STPG2: variants seen among roughly 807,000 people sequenced by gnomAD.
The protein encoded by STPG2 is sperm-tail PG-rich repeat-containing protein 2.
Under a neutral mutation model 54.2 loss-of-function variants are expected in STPG2, and 56 were observed. The observed-to-expected ratio is 1.03, with a 90% CI of 0.83 to 1.29. The LOEUF is 1.29. Among genes scored for constraint, STPG2 ranks in the 50% most tolerant of loss-of-function variants. The probability of loss-of-function intolerance (pLI) is 0.00; values close to 1 mark genes in which losing one functional copy is unlikely to be tolerated. For missense variants in STPG2, 596 were observed against 544.9 expected (o/e 1.09, Z -0.93); for synonymous variants, 200 against 181.8 (o/e 1.10, Z -0.81).
intron 10 of STPG2, among the ~76,000 whole-genome samples, chr4:97,565,025 G>A (rs1034600927): frequency 6.6e-6 from 1 of 152,176 alleles, no homozygotes; most frequent in Admixed American, 6.5e-5. Context: ...ATCCTGCAGA[G>A]TGTTTTCCAA....
chr4:97,892,480 T>C (rs1267289017), intron 8 of STPG2, among the ~76,000 whole-genome samples: 1 of 152,190 alleles, frequency 6.6e-6, no homozygotes, highest in Non-Finnish European at 1.5e-5. Context: ...ATTTATGTTA[T>C]CACTTCCCTA....
intron 1 of STPG2, among the ~76,000 whole-genome samples, chr4:98,139,460 A>G (rs903578014): frequency 2.0e-5 from 3 of 152,326 alleles, no homozygotes; most frequent in Non-Finnish European, 2.9e-5. Flanking sequence ...TTCTTCTCAC[A>G]TCATACTCCA....
chr4:97,554,333 C>G (rs1272835276), downstream of STPG2, among the ~76,000 whole-genome samples: 3 of 152,182 alleles, frequency 2.0e-5, no homozygotes, highest in Admixed American at 6.6e-5. Context: ...CCAAACCTGA[C>G]AAGAAAGAAT....
At chr4:97,978,336 A>G (rs1351845234) in intron 6 of STPG2, among the ~76,000 whole-genome samples, 1 of 152,252 alleles carries the variant, frequency 6.6e-6, no homozygotes, top group Non-Finnish European at 1.5e-5. Flanking sequence ...GCAATAAAAA[A>G]GAATGAGATC....
chr4:98,021,942 A>G (rs368602661), intron 5 of STPG2, among the ~76,000 whole-genome samples: 1 of 151,890 alleles, frequency 6.6e-6, no homozygotes, highest in Non-Finnish European at 1.5e-5. Context: ...CCTGAATACA[A>G]CACACTGATG....
chr4:97,968,822 T>C (rs902048377), intron 7 of STPG2, among the ~76,000 whole-genome samples: 43 of 152,350 alleles, frequency 2.8e-4, no homozygotes, highest in African/African-American at 7.9e-4. Context: ...CAAAATTGCA[T>C]GCAGGATTGT....
At chr4:97,499,550 A>G (rs1347573062) in intron 4 of STPG2, among the ~76,000 whole-genome samples, 2 of 152,054 alleles carry the variant, frequency 1.3e-5, no homozygotes, top group Non-Finnish European at 2.9e-5. Flanking sequence ...ATCATGTTCT[A>G]ATATAAATTT....
intron 9 of STPG2, among the ~76,000 whole-genome samples, chr4:97,742,621 A>C (rs1291241862): frequency 1.3e-5 from 2 of 150,456 alleles, no homozygotes; most frequent in Non-Finnish European, 1.5e-5. Flanking sequence ...CTTTTGCAAC[A>C]ACATGGATGA....
At chr4:97,881,778 T>C (rs1207273100) in intron 8 of STPG2, among the ~76,000 whole-genome samples, 2 of 152,162 alleles carry the variant, frequency 1.3e-5, no homozygotes, top group Non-Finnish European at 2.9e-5. Context: ...TTGTCCAACA[T>C]AAAGATTATT....
At chr4:97,937,992 C>T (rs1578710343) in intron 8 of STPG2, among the ~76,000 whole-genome samples, 1 of 152,184 alleles carries the variant, frequency 6.6e-6, no homozygotes, top group Non-Finnish European at 1.5e-5. Context: ...GGAAGGAAGA[C>T]GTAGTCTGCA....
At chr4:97,823,189 T>C (rs941396287) in intron 9 of STPG2, among the ~76,000 whole-genome samples, 5 of 152,146 alleles carry the variant, frequency 3.3e-5, no homozygotes, top group African/African-American at 9.7e-5. Context: ...GACAAAACAG[T>C]CTTATAATAG....
intron 9 of STPG2, among the ~76,000 whole-genome samples, chr4:97,755,610 TC>T (rs1725702912): frequency 6.6e-6 from 1 of 152,204 alleles, no homozygotes; most frequent in Admixed American, 6.6e-5. Context: ...TATCTGGCTC[TC>T]AAGAATAGAC....
At chr4:97,984,641 C>T (rs1275599175) in intron 5 of STPG2, among the ~76,000 whole-genome samples, 1 of 152,146 alleles carries the variant, frequency 6.6e-6, no homozygotes, top group Non-Finnish European at 1.5e-5. Context: ...TTTTCCCATT[C>T]TTACTGATTT....
chr4:97,491,372 C>T (rs1251344264), intron 4 of STPG2, among the ~76,000 whole-genome samples: 1 of 151,484 alleles, frequency 6.6e-6, no homozygotes, highest in Non-Finnish European at 1.5e-5. Flanking sequence ...CCTCAAAGAA[C>T]TTATTCCTTT....
intron 7 of STPG2, among the ~76,000 whole-genome samples, chr4:97,954,865 A>C (rs762412201): frequency 6.6e-6 from 1 of 152,208 alleles, no homozygotes; most frequent in African/African-American, 2.4e-5. Flanking sequence ...ATGGTCAAAA[A>C]TCAAGAGAAA....
chr4:97,983,485 A>G (rs891213347), intron 5 of STPG2, among the ~76,000 whole-genome samples: 2 of 152,174 alleles, frequency 1.3e-5, no homozygotes, highest in African/African-American at 2.4e-5. Context: ...TCTATTTATT[A>G]TCCACATTGA....
At chr4:98,043,164 T>C (rs771536523) in intron 5 of STPG2, among the ~76,000 whole-genome samples, 18 of 152,052 alleles carry the variant, frequency 1.2e-4, no homozygotes, top group African/African-American at 1.7e-4. Flanking sequence ...TTTTATTTCA[T>C]TTACAATTTG....
chr4:97,831,734 A>G (rs923258876), intron 9 of STPG2, among the ~76,000 whole-genome samples: 1 of 152,246 alleles, frequency 6.6e-6, no homozygotes, highest in Non-Finnish European at 1.5e-5. Flanking sequence ...AGAGAATACT[A>G]TAAATGCCTC....
chr4:97,604,999 G>A (rs1199838979), intron 10 of STPG2, among the ~76,000 whole-genome samples: 1 of 151,608 alleles, frequency 6.6e-6, no homozygotes, highest in Non-Finnish European at 1.5e-5. Flanking sequence ...ATAAACCAAA[G>A]CTTCTCCCAT....
Sources: allele counts gnomAD v4.1 joint callset (sites outside exome capture counted in the v4.1 genomes callset), GRCh38; gene constraint gnomAD v4.1.1; transcripts MANE v1.5; gene names NCBI Gene and HGNC (gene_info 2026-07-23, HGNC 2026-07-21).